HLA-DPB1: variants seen among roughly 807,000 people sequenced by gnomAD.
HLA-DPB1 encodes the protein HLA class II histocompatibility antigen, DP beta 1 chain.
In HLA-DPB1, 30 loss-of-function variants were observed where a neutral mutation model predicts 29.4. The observed-to-expected ratio is 1.02, with a 90% CI of 0.76 to 1.38. The LOEUF is 1.38. HLA-DPB1 is among the 40% of genes most tolerant of loss of function. The pLI is 0.00. For missense variants in HLA-DPB1, 261 were observed against 327.5 expected, an observed-to-expected ratio of 0.80 and a Z score of 1.57; for synonymous variants, 114 against 134.0, an observed-to-expected ratio of 0.85 and a Z score of 1.03.
At position 33,080,787 on chromosome 6, in the gene HLA-DPB1, G is replaced by T; in HGVS notation, c.216G>T (p.Gly72=). 6.2e-7 allele frequency: 1 copy of T among 1,613,622 alleles called. No homozygotes were observed. The highest frequency in any genetic ancestry group is 8.5e-7 in the Non-Finnish European group (1 of 1,179,838). ...EEFARFDSDV[G]EFRAVTELGR... ...TCGCGCGCTTCGACAGCGACGTGGG[G>T]GAGTTCCGGGCGGTGACGGAGCTGG... Residue 72 remains glycine, a synonymous_variant, in exon 2 of 6, where the codon GGG becomes GGT. Coordinates refer to ENST00000418931, the MANE Select transcript of HLA-DPB1 (RefSeq NM_002121.6). This position sits in a 1 kb window ranked among gnomAD's most constrained non-coding sequence, Gnocchi z 4.3.
intron 4 of HLA-DPB1, 119 bp downstream of exon 4, chr6:33,086,008 G>A (rs1229276809): frequency 1.3e-6 from 1 of 773,616 alleles, no homozygotes; most frequent in South Asian, 1.7e-5. Context: ...ACTGATATCA[G>A]ATAATCGGGG....
At chr6:33,086,502 CTGG>C (rs771322584) in intron 5 of HLA-DPB1, 34 bp from the exon 6 acceptor site, 9 of 682,402 alleles carry the variant, frequency 1.3e-5, no homozygotes, top group East Asian at 3.1e-5. Flanking sequence ...AGGAAGGAGG[CTGG>C]CAACCTGGGA....
Position 33,080,744 on chromosome 6 carries a change from T to C in HLA-DPB1, c.173T>C (p.Ile58Thr). ...ACACAGCGCTTCCTGGAGAGATACA[T>C]CTACAACCGGGAGGAGTTCGCGCGC... Reference protein sequence around the residue: ...NGTQRFLERYIYNREEFARFD... With the variant: ...NGTQRFLERYTYNREEFARFD... Residue 58 changes from isoleucine (I) to threonine (T), a missense_variant, in exon 2 of 6, where the codon ATC becomes ACC. By Grantham distance (89) the Ile-to-Thr change is moderately conservative (BLOSUM62 -1). Coordinates refer to ENST00000418931, the MANE Select transcript of HLA-DPB1 (RefSeq NM_002121.6). The surrounding 1 kb of genome is among the most constrained non-coding windows in gnomAD (Gnocchi z 4.3). The C allele has an allele frequency of 6.2e-7, 1 of 1,613,320 alleles. No individual in the cohort carries two copies. Among genetic ancestry groups the C allele is most frequent in the Non-Finnish European group, 8.5e-7 (1 of 1,179,790 alleles).
In HLA-DPB1 at chr6:33,087,346, A is replaced by G. The variant is rs9277540; in HGVS notation, c.*812A>G. 57,559 of 153,732 alleles carry G rather than the reference A, an allele frequency of 0.37. 12,440 individuals carry two copies. The highest frequency in any genetic ancestry group is 0.63 in the East Asian group (3,393 of 5,392). 9.5% of individuals were successfully genotyped at this position (153,732 alleles called of 1,614,324 possible). On this transcript the variant is annotated 3_prime_UTR_variant, in exon 6 of 6. Coordinates refer to ENST00000418931, the MANE Select transcript of HLA-DPB1 (RefSeq NM_002121.6). ...CTGTCTTAATTTTCATACAGACAGA[A>G]ATGACTCCCCACTGGGGAAAGAGCA...
At position 33,086,635 on chromosome 6, in the gene HLA-DPB1, A is replaced by C; in HGVS notation, c.*101A>C. Reference sequence around the variant, plus strand: ...TCCAGGACAGACCTTCAACTTCCAAATTGGATACTGCTGCCAAGAAGTTGC... The same window carrying C: ...TCCAGGACAGACCTTCAACTTCCAACTTGGATACTGCTGCCAAGAAGTTGC... On this transcript the variant is annotated 3_prime_UTR_variant, in exon 6 of 6. Transcript: ENST00000418931. 2.0e-6 allele frequency: 1 copy of C among 505,070 alleles called. No individual in the cohort carries two copies. Among genetic ancestry groups the C allele is most frequent in the Non-Finnish European group, 3.9e-6 (1 of 256,656 alleles). The allele number at this position is 505,070 out of a possible 1,614,324, so 31.3% of individuals were successfully genotyped here.
intron 2 of HLA-DPB1, among the ~76,000 whole-genome samples, chr6:33,082,402 A>G (rs9277373): frequency 0.37 from 56,089 of 150,684 alleles, 11,873 homozygotes; most frequent in East Asian, 0.63. Flanking sequence ...TCTGTGATGC[A>G]CAGATCTCCA....
intron 5 of HLA-DPB1, 130 bp downstream of exon 5, chr6:33,086,372 T>TC: frequency 1.2e-6 from 1 of 809,352 alleles, no homozygotes; most frequent in Admixed American, 1.7e-5. Context: ...AATGTCAGCC[T>TC]TCAGGCAAGT....
At chr6:33,082,408 C>T (rs9277374) in intron 2 of HLA-DPB1, among the ~76,000 whole-genome samples, 1 of 151,030 alleles carries the variant, frequency 6.6e-6, no homozygotes, top group Non-Finnish European at 1.5e-5. Flanking sequence ...ATGCACAGAT[C>T]TCCAGACTCA....
At position 33,080,310 on chromosome 6, in the gene HLA-DPB1, G is replaced by T; in HGVS notation, c.101-362G>T. ...TAGGGGGAGCAGCTCCGCCCTCCAC[G>T]TCCCCAGCTCCTCCCGCCCCTGTTT... On this transcript the variant is annotated intron_variant, in intron 1 of 5. Coordinates refer to ENST00000418931, the MANE Select transcript of HLA-DPB1 (RefSeq NM_002121.6). This position sits in a 1 kb window ranked among gnomAD's most constrained non-coding sequence, Gnocchi z 4.3. 2.3e-6 allele frequency: 1 copy of T among 436,898 alleles called. No homozygotes were observed. The highest frequency in any genetic ancestry group is 6.0e-5 in the East Asian group (1 of 16,792). 27.1% of individuals were successfully genotyped at this position (436,898 alleles called of 1,614,324 possible).
rs1763202949 is a variant in HLA-DPB1, at chr6:33,088,317, G to A, written c.*1783G>A. Among the ~76,000 whole-genome samples the A allele has an allele frequency of 6.6e-6, 1 of 152,112 alleles. No individual in the cohort carries two copies. Among genetic ancestry groups the A allele is most frequent in the African/African-American group, 2.4e-5 (1 of 41,406 alleles). On this transcript the variant is annotated 3_prime_UTR_variant, in exon 6 of 6. Coordinates refer to ENST00000418931, the MANE Select transcript of HLA-DPB1 (RefSeq NM_002121.6). ...GTCAGAGTCATTCTCTTTCCTGCTT[G>A]TCTCCTGTACTCATGTTACAGGTTA...
rs1159451180 is a variant in HLA-DPB1, at chr6:33,086,940, G to GT, written c.*408dup. 1 of 242,840 alleles carries GT rather than the reference G, an allele frequency of 4.1e-6. No individual in the cohort carries two copies. The highest frequency in any genetic ancestry group is 1.5e-4 in the East Asian group (1 of 6,634). 15.0% of individuals were successfully genotyped at this position (242,840 alleles called of 1,614,324 possible). A position where few individuals can be genotyped will look rare whatever the true frequency, so the allele number is the denominator to read the frequency against. Reference sequence around the variant, plus strand: ...TGTTAACTATTGTATAATGGGGCCTGTTACACATGACACTCTTCTGAATTG... The same window carrying GT: ...TGTTAACTATTGTATAATGGGGCCTGTTTACACATGACACTCTTCTGAATTG... On this transcript the variant is annotated 3_prime_UTR_variant, in exon 6 of 6. Coordinates refer to ENST00000418931, the MANE Select transcript of HLA-DPB1 (RefSeq NM_002121.6).
At chr6:33,076,177 T>A in intron 1 of HLA-DPB1, 36 bp downstream of exon 1, 1 of 1,406,240 alleles carries the variant, frequency 7.1e-7, no homozygotes, top group Middle Eastern at 1.8e-4. Flanking sequence ...AGGGTCTGGC[T>A]CAGGGAACAA....
In HLA-DPB1 at chr6:33,087,192, T is replaced by TA; in HGVS notation, c.*659dup. The TA allele has an allele frequency of 6.5e-6, 1 of 153,466 alleles. No individual in the cohort carries two copies. Among genetic ancestry groups the TA allele is most frequent in the East Asian group, 1.9e-4 (1 of 5,268 alleles). The allele number at this position is 153,466 out of a possible 1,614,324, so 9.5% of individuals were successfully genotyped here. A position where few individuals can be genotyped will look rare whatever the true frequency, so the allele number is the denominator to read the frequency against. Reference sequence around the variant, plus strand: ...ATTTAAAATCATAAATATAATCTAATACACTTTAACCATTTTCTTTGTGTG... The same window carrying TA: ...ATTTAAAATCATAAATATAATCTAATAACACTTTAACCATTTTCTTTGTGTG... On this transcript the variant is annotated 3_prime_UTR_variant, in exon 6 of 6. Transcript: ENST00000418931.
In HLA-DPB1 at chr6:33,085,100, C is replaced by A. The variant is rs1213930061; in HGVS notation, c.515C>A (p.Thr172Asn). The A allele has an allele frequency of 3.1e-6, 5 of 1,613,762 alleles. No homozygotes were observed. The African/African-American group carries it at 6.7e-5, about 22-fold the overall frequency. Residue 172 changes from threonine to asparagine, a missense_variant, in exon 3 of 6, where the codon ACC (threonine) becomes AAC (asparagine). Coordinates refer to ENST00000418931, the MANE Select transcript of HLA-DPB1 (RefSeq NM_002121.6). ...GAGGAAACAGCTGGGGTCGTGTCCA[C>A]CAACCTGATCCGTAATGGAGACTGG... Reference protein sequence around the residue: ...GQEETAGVVSTNLIRNGDWTF... With the variant: ...GQEETAGVVSNNLIRNGDWTF...
At chr6:33,086,111 G>A in intron 4 of HLA-DPB1, 108 bp from the exon 5 acceptor site, 4 of 1,037,214 alleles carry the variant, frequency 3.9e-6, no homozygotes, top group South Asian at 1.3e-5. Flanking sequence ...CTCCTGCGGA[G>A]CGTCCATTGA....
At position 33,077,597 on chromosome 6, in the gene HLA-DPB1, T is replaced by A. The variant is rs146936740; in HGVS notation, c.100+1456T>A. ...TGTGGAGAAATAGGAACACTTTTAC[T>A]CTGTTGGTGGGACTGTAAACTAGTT... On this transcript the variant is annotated intron_variant, in intron 1 of 5. Transcript: ENST00000418931. Among the ~76,000 whole-genome samples, 216 of 152,286 alleles carry A rather than the reference T, an allele frequency of 1.4e-3. 2 individuals carry two copies. In the East Asian group the frequency reaches 0.026, roughly 18 times the overall value.
At chr6:33,084,715 G>C (rs9277445) in intron 2 of HLA-DPB1, among the ~76,000 whole-genome samples, 57,175 of 150,946 alleles carry the variant, frequency 0.38, 12,254 homozygotes, top group East Asian at 0.64. Flanking sequence ...AGGAGAATTG[G>C]TTGAAGCCCG....
chr6:33,085,823 G>T lies in HLA-DPB1; in HGVS notation c.691G>T (p.Gly231Trp). The change falls in exon 4 of 6, where the codon GGG becomes TGG. Residue 231 changes from glycine (G) to tryptophan (W), a missense_variant. Physicochemically the swap from Gly to Trp is radical, Grantham distance 184. Transcript: ENST00000418931. ...SARSKTLTGA[G>W]GFVLGLIICG... ...CCGGAGTAAGACATTGACGGGAGCT[G>T]GGGGCTTCGTGCTGGGGCTCATCAT... 6.2e-7 allele frequency: 1 copy of T among 1,613,910 alleles called. No homozygotes were observed. Among genetic ancestry groups the T allele is most frequent in the Non-Finnish European group, 8.5e-7 (1 of 1,179,868 alleles).
Position 33,084,966 on chromosome 6 carries a change from T to C in HLA-DPB1, c.381T>C (p.Asn127=), listed in dbSNP as rs1126541. 128,886 of 992,120 alleles carry C rather than the reference T, an allele frequency of 0.13. 25,458 individuals are homozygous for C. Among genetic ancestry groups the C allele is most frequent in the East Asian group, 0.56 (18,897 of 33,792 alleles). 61.5% of individuals were successfully genotyped at this position (992,120 alleles called of 1,614,324 possible). The change falls in exon 3 of 6, where the codon AAT becomes AAC. Residue 127 remains asparagine (N), a synonymous_variant. Coordinates refer to ENST00000418931, the MANE Select transcript of HLA-DPB1 (RefSeq NM_002121.6). Reference sequence around the variant, plus strand: ...CGCTCCTAGTCCAGCCTAGGGTGAATGTTTCCCCCTCCAAGAAGGGGCCCT... The same window carrying C: ...CGCTCCTAGTCCAGCCTAGGGTGAACGTTTCCCCCTCCAAGAAGGGGCCCT... The part of the protein sequence containing the change: ...TLQRRVQPRV[N]VSPSKKGPLQ...
Sources: allele counts gnomAD v4.1 joint callset (sites outside exome capture counted in the v4.1 genomes callset), GRCh38; gene constraint gnomAD v4.1.1; non-coding constraint Gnocchi (gnomAD v3.1); transcripts MANE v1.5; gene names NCBI Gene and HGNC (gene_info 2026-07-23, HGNC 2026-07-21).